The following DSTYK variants were observed in gnomAD, a reference collection of about 807,000 sequenced individuals.
The protein encoded by DSTYK is dual serine/threonine and tyrosine protein kinase.
Under a neutral mutation model 98.7 loss-of-function variants are expected in DSTYK, and 34 were observed. That is an observed-to-expected ratio of 0.34 (90% CI 0.26 to 0.46). DSTYK has a LOEUF of 0.46. Ranked by LOEUF, DSTYK falls within the 20% of genes least tolerant of loss-of-function variation. The pLI is 1.00. For synonymous variants in DSTYK, 462 were observed against 457.3 expected (o/e 1.01, Z -0.13); for missense variants, 962 against 1,181.7 (o/e 0.81, Z 2.73).
chr1:205,211,133 C>T (rs1659360394), intron 1 of DSTYK, 138 bp downstream of exon 1: 3 of 1,310,560 alleles, frequency 2.3e-6, no homozygotes, highest in South Asian at 1.6e-5. Flanking sequence ...CGGCCCATGC[C>T]CGGGGACCCG....
intron 2 of DSTYK, among the ~76,000 whole-genome samples, chr1:205,184,341 G>C (rs527495415): frequency 1.3e-5 from 2 of 152,074 alleles, no homozygotes; most frequent in South Asian, 4.2e-4. Context: ...GGGAGGGTGA[G>C]GGGGGCGGAT....
intron 1 of DSTYK, among the ~76,000 whole-genome samples, chr1:205,188,146 A>C (rs1479031809): frequency 1.3e-5 from 2 of 152,292 alleles, no homozygotes; most frequent in South Asian, 2.1e-4. Context: ...CACAAACACC[A>C]AGATTATTAA....
intron 10 of DSTYK, among the ~76,000 whole-genome samples, chr1:205,152,106 T>C (rs1218002972): frequency 2.0e-5 from 3 of 152,246 alleles, no homozygotes; most frequent in Non-Finnish European, 4.4e-5. Context: ...TGTATTGCAC[T>C]GTGCTGCAAC....
chr1:205,176,739 A>T (rs1424076405), intron 2 of DSTYK, among the ~76,000 whole-genome samples: 1 of 151,954 alleles, frequency 6.6e-6, no homozygotes, highest in Non-Finnish European at 1.5e-5. Context: ...CACTGTGCCC[A>T]GCCAGTGACG....
At chr1:205,156,909 C>T (rs1419805051) in intron 10 of DSTYK, among the ~76,000 whole-genome samples, 1 of 152,100 alleles carries the variant, frequency 6.6e-6, no homozygotes, top group African/African-American at 2.4e-5. Context: ...GGACAGTCAC[C>T]CTCATGCTTT....
In DSTYK at chr1:205,189,047, C is replaced by T. The variant is rs183061060; in HGVS notation, c.266-1241G>A. ...TTGTTACCCACATATCGAAATACCACATGTATCCTATAAATATGTACAATT... is the reference window on the plus strand; with the variant it reads ...TTGTTACCCACATATCGAAATACCATATGTATCCTATAAATATGTACAATT... On this transcript the variant is annotated intron_variant, in intron 1 of 12. Transcript: ENST00000367162. 5.8e-4 allele frequency among the ~76,000 whole-genome samples: 89 copies of T among 152,160 alleles called. 1 individual carries two copies. Among genetic ancestry groups the T allele is most frequent in the Admixed American group, 3.9e-3 (59 of 15,282 alleles).
chr1:205,181,969 TA>T (rs1423251808), intron 2 of DSTYK, among the ~76,000 whole-genome samples: 3 of 152,162 alleles, frequency 2.0e-5, no homozygotes, highest in Admixed American at 2.0e-4. Flanking sequence ...AATTTGGGGT[TA>T]AAATTTTATG....
intron 11 of DSTYK, among the ~76,000 whole-genome samples, chr1:205,149,380 T>C (rs1657338736): frequency 1.3e-5 from 2 of 152,134 alleles, no homozygotes; most frequent in African/African-American, 4.8e-5. Flanking sequence ...ATATTGCTAA[T>C]TTTAACTCTT....
rs1265328026 is a variant in DSTYK at position 205,146,682 on chromosome 1, C to T, written c.*876G>A. The T allele has an allele frequency of 6.6e-6, 1 of 152,130 alleles. No homozygotes were observed. Among genetic ancestry groups the T allele is most frequent in the Admixed American group, 6.6e-5 (1 of 15,222 alleles). 9.4% of individuals were successfully genotyped at this position (152,130 alleles called of 1,614,324 possible). A position where few individuals can be genotyped will look rare whatever the true frequency, so the allele number is the denominator to read the frequency against. On this transcript the variant is annotated 3_prime_UTR_variant, in exon 13 of 13. Coordinates refer to ENST00000367162, the MANE Select transcript of DSTYK (RefSeq NM_015375.3). The stretch of plus-strand genomic sequence containing the variant: ...CGCCTCCCAGGTTCAAGCGATTCTC[C>T]TGCCTCAGCCTCCTGAGTATCTTGG...
intron 2 of DSTYK, among the ~76,000 whole-genome samples, chr1:205,178,461 G>A (rs1413548657): frequency 6.6e-6 from 1 of 151,982 alleles, no homozygotes; most frequent in East Asian, 1.9e-4. Flanking sequence ...ATTTTCTCTA[G>A]AATGGAGAAG....
rs950098152 is a variant in DSTYK at position 205,143,484 on chromosome 1, C to T, written c.*4074G>A. On this transcript the variant is annotated 3_prime_UTR_variant, in exon 13 of 13. Transcript: ENST00000367162. Reference sequence around the variant, plus strand: ...AGTGGACTCTTCCAGGGTTGTTAATCCCACTCTGACACAATATGGATGGAC... The same window carrying T: ...AGTGGACTCTTCCAGGGTTGTTAATTCCACTCTGACACAATATGGATGGAC... 8 of 152,364 alleles carry T rather than the reference C, an allele frequency of 5.3e-5. No individual in the cohort carries two copies. The highest frequency in any genetic ancestry group is 1.0e-4 in the Non-Finnish European group (7 of 68,010). The allele number at this position is 152,364 out of a possible 1,614,324, so 9.4% of individuals were successfully genotyped here.
At chr1:205,152,303 G>A (rs565282557) in intron 10 of DSTYK, among the ~76,000 whole-genome samples, 2 of 152,088 alleles carry the variant, frequency 1.3e-5, no homozygotes, top group African/African-American at 2.4e-5. Flanking sequence ...TCAGCCTCCC[G>A]AGCAGCTGGG....
chr1:205,176,680 C>T (rs969000823), intron 2 of DSTYK, among the ~76,000 whole-genome samples: 3 of 151,606 alleles, frequency 2.0e-5, no homozygotes, highest in Non-Finnish European at 2.9e-5. Flanking sequence ...TGAGCTCAAG[C>T]GATCCTCCTG....
At chr1:205,191,286 A>G (rs919101875) in intron 1 of DSTYK, among the ~76,000 whole-genome samples, 68 of 152,152 alleles carry the variant, frequency 4.5e-4, no homozygotes, top group African/African-American at 1.5e-3. Context: ...TGACATCTCT[A>G]CCAGATTTGA....
intron 3 of DSTYK, 140 bp from the exon 4 acceptor site, chr1:205,164,095 T>G: frequency 1.4e-6 from 1 of 711,284 alleles, no homozygotes. Context: ...TGATGATGTC[T>G]AACTCTCACA....
At chr1:205,157,521 C>T (rs1657598161) in intron 9 of DSTYK, 135 bp from the exon 10 acceptor site, 1 of 620,258 alleles carries the variant, frequency 1.6e-6, no homozygotes, top group Non-Finnish European at 2.8e-6. Flanking sequence ...ATGCCTGTAA[C>T]CCCAGCACTT....
At chr1:205,149,106 T>G (rs889651699) in intron 11 of DSTYK, among the ~76,000 whole-genome samples, 1 of 152,134 alleles carries the variant, frequency 6.6e-6, no homozygotes, top group South Asian at 2.1e-4. Flanking sequence ...TTCTCCATGT[T>G]GGTCAGGGTA....
At chr1:205,164,050 C>T (rs1189121556) in intron 3 of DSTYK, 95 bp from the exon 4 acceptor site, 27 of 1,004,798 alleles carry the variant, frequency 2.7e-5, no homozygotes, top group Middle Eastern at 2.2e-4. Flanking sequence ...ATGGAACTAC[C>T]GTGATGATGA....
intron 2 of DSTYK, among the ~76,000 whole-genome samples, chr1:205,171,061 T>TA (rs1488779321): frequency 1.3e-5 from 2 of 152,056 alleles, no homozygotes; most frequent in Non-Finnish European, 2.9e-5. Context: ...ACTCTATCTT[T>TA]AAGTTCCTGG....
Sources: gnomAD v4.1 joint callset for allele counts (sites outside exome capture counted in the v4.1 genomes callset) on GRCh38, gnomAD v4.1.1 for gene constraint, MANE v1.5 for transcripts, NCBI Gene and HGNC (gene_info 2026-07-23, HGNC 2026-07-21) for gene names.